DLAT: variants seen among roughly 807,000 people sequenced by gnomAD.
The protein encoded by DLAT is dihydrolipoyllysine-residue acetyltransferase component of pyruvate dehydrogenase complex, mitochondrial.
DLAT carries 43 observed loss-of-function variants against 68.0 expected under a neutral mutation model. The ratio of observed to expected loss-of-function variants is 0.63; its 90% CI spans 0.50 to 0.81. DLAT has a LOEUF of 0.81. Ranked by LOEUF, DLAT falls within the 40% of genes least tolerant of loss-of-function variation. DLAT has a pLI of 0.00. For missense variants in DLAT, 745 were observed against 815.4 expected, an observed-to-expected ratio of 0.91 and a Z score of 1.05; for synonymous variants, 265 against 288.6, an observed-to-expected ratio of 0.92 and a Z score of 0.83.
At chr11:112,028,420 CAAAAAAAAAA>C (rs148561787) in intron 2 of DLAT, 85 bp from the exon 3 acceptor site, 29 of 820,576 alleles carry the variant, frequency 3.5e-5, no homozygotes, top group African/African-American at 2.0e-4. Context: ...CTCTGTGTCT[CAAAAAAAAAA>C]AAAAAAAAAA....
Position 112,045,920 on chromosome 11 carries a change from A to G in DLAT, c.1348A>G (p.Ile450Val). The change falls in exon 10 of 14, where the codon ATC becomes GTC. Residue 450 changes from isoleucine to valine, a missense_variant. Physicochemically the swap from Ile to Val is conservative, Grantham distance 29. Transcript: ENST00000280346. Reference sequence around the variant, plus strand: ...AACCATACCTCATTATTACCTTTCTATCGATGTAAATATGGGAGAAGTTTT... The same window carrying G: ...AACCATACCTCATTATTACCTTTCTGTCGATGTAAATATGGGAGAAGTTTT... Reference protein sequence around the residue: ...KQTIPHYYLSIDVNMGEVLLV... With the variant: ...KQTIPHYYLSVDVNMGEVLLV... 6 of 1,612,262 alleles carry G rather than the reference A, an allele frequency of 3.7e-6. No individual in the cohort carries two copies. Among genetic ancestry groups the G allele is most frequent in the South Asian group, 1.1e-5 (1 of 91,004 alleles).
rs781839763 is a variant in DLAT at position 112,037,341 on chromosome 11, C to T, written c.856C>T (p.Leu286=). The change falls in exon 6 of 14, where the codon CTA becomes TTA. Residue 286 remains leucine (L), a synonymous_variant. Transcript: ENST00000280346. ...LVPEGTRDVP[L]GTPLCIIVEK... ...CCCTGAAGGCACAAGAGATGTCCCT[C>T]TAGGAACCCCACTCTGTATCATTGT... The T allele has an allele frequency of 1.2e-6, 2 of 1,614,092 alleles. No homozygotes were observed. The highest frequency in any genetic ancestry group is 1.7e-6 in the Non-Finnish European group (2 of 1,179,966).
chr11:112,054,305 G>A (rs1863868144), intron 11 of DLAT, among the ~76,000 whole-genome samples: 1 of 151,892 alleles, frequency 6.6e-6, no homozygotes, highest in South Asian at 2.1e-4. Flanking sequence ...GAGCAACAGA[G>A]CAAGACTGCA....
At position 112,051,665 on chromosome 11, in the gene DLAT, C is replaced by T. The variant is rs587684350; in HGVS notation, c.1514+316C>T. Among the ~76,000 whole-genome samples, 10 of 152,202 alleles carry T rather than the reference C, an allele frequency of 6.6e-5. No homozygotes were observed. Among genetic ancestry groups the T allele is most frequent in the Middle Eastern group, 3.4e-3 (1 of 294 alleles). On this transcript the variant is annotated intron_variant, in intron 11 of 13. Coordinates refer to ENST00000280346, the MANE Select transcript of DLAT (RefSeq NM_001931.5). The surrounding 1 kb of genome is among the most constrained non-coding windows in gnomAD (Gnocchi z 4.3). The stretch of plus-strand genomic sequence containing the variant: ...TTGGGCTCAAGCAATTCTACAGCCT[C>T]GGCCTCCCAAAGTTCTGGGATTTCA...
intron 4 of DLAT, chr11:112,030,292 G>A (rs1862323835): frequency 1.8e-6 from 1 of 550,412 alleles, no homozygotes; most frequent in South Asian, 1.4e-5. Context: ...ATCTTTGTGC[G>A]GCCAACTTCC....
chr11:112,052,214 G>A (rs1445675984), intron 11 of DLAT, among the ~76,000 whole-genome samples: 1 of 152,138 alleles, frequency 6.6e-6, no homozygotes, highest in Admixed American at 6.5e-5. Flanking sequence ...CAGATGAGTA[G>A]AGGCAGGGGT....
At position 112,025,461 on chromosome 11, in the gene DLAT, G is replaced by A. The variant is rs782344193; in HGVS notation, c.-12G>A. 1 of 1,610,034 alleles carries A rather than the reference G, an allele frequency of 6.2e-7. No homozygotes were observed. The highest frequency in any genetic ancestry group is 1.7e-4 in the Middle Eastern group (1 of 5,728). On this transcript the variant is annotated 5_prime_UTR_variant, in exon 1 of 14. Transcript: ENST00000280346. ...CGGCGTTGGTTTTGGGGTGTGGGGG[G>A]TTGGTGGCACTATGTGGCGCGTCTG...
At position 112,033,458 on chromosome 11, in the gene DLAT, G is replaced by A; in HGVS notation, c.715G>A (p.Glu239Lys). Residue 239 changes from glutamate (E) to lysine (K), a missense_variant, in exon 5 of 14, where the codon GAA becomes AAA. Coordinates refer to ENST00000280346, the MANE Select transcript of DLAT (RefSeq NM_001931.5). The part of the protein sequence containing the change: ...TMTMGTVQRW[E>K]KKVGEKLSEG... ...GACCATGGGCACAGTTCAGAGATGG[G>A]AAAAAAAAGTGGGTGAGAAGCTAAG... 2 of 1,613,182 alleles carry A rather than the reference G, an allele frequency of 1.2e-6. No individual in the cohort carries two copies. Among genetic ancestry groups the A allele is most frequent in the Non-Finnish European group, 1.7e-6 (2 of 1,179,552 alleles).
At chr11:112,035,377 C>T (rs1353062798) in intron 5 of DLAT, among the ~76,000 whole-genome samples, 1 of 152,184 alleles carries the variant, frequency 6.6e-6, no homozygotes, top group Non-Finnish European at 1.5e-5. Flanking sequence ...AGTTCTGCTT[C>T]ACCATTTAAC....
intron 6 of DLAT, 85 bp downstream of exon 6, chr11:112,037,545 C>T (rs782225984): frequency 7.8e-5 from 102 of 1,308,906 alleles, no homozygotes; most frequent in South Asian, 6.3e-4. Flanking sequence ...TCCTAGGTTC[C>T]TTCCACCTCC....
intron 9 of DLAT, among the ~76,000 whole-genome samples, chr11:112,045,568 G>A (rs1277996701): frequency 2.0e-5 from 3 of 151,988 alleles, no homozygotes; most frequent in African/African-American, 7.3e-5. Flanking sequence ...CATGCCTGTA[G>A]TCCCAAGTAC....
Position 112,037,065 on chromosome 11 carries a change from C to T in DLAT, c.788-208C>T, listed in dbSNP as rs111663586. ...AATATTAATCTGTTTAAATGTATAA[C>T]ATCCCAGTACCAATCCAGTGAGATT... On this transcript the variant is annotated intron_variant, in intron 5 of 13. Coordinates refer to ENST00000280346, the MANE Select transcript of DLAT (RefSeq NM_001931.5). Among the ~76,000 whole-genome samples the T allele has an allele frequency of 6.4e-4, 97 of 152,246 alleles. 2 individuals carry two copies. The highest frequency in any genetic ancestry group is 2.3e-3 in the African/African-American group (96 of 41,546).
At chr11:112,033,730 A>G (rs1470373383) in intron 5 of DLAT, among the ~76,000 whole-genome samples, 200 bp downstream of exon 5, 1 of 152,020 alleles carries the variant, frequency 6.6e-6, no homozygotes, top group African/African-American at 2.4e-5. Context: ...TTATTTGCTT[A>G]TTTTTCAGAC....
At chr11:112,047,691 A>G (rs587655723) in intron 10 of DLAT, among the ~76,000 whole-genome samples, 12 of 152,332 alleles carry the variant, frequency 7.9e-5, no homozygotes, top group Middle Eastern at 3.4e-3. Flanking sequence ...ATGGCTAGCC[A>G]GTTTTCCCAA....
intron 7 of DLAT, among the ~76,000 whole-genome samples, chr11:112,040,602 T>C (rs1863002618): frequency 1.3e-5 from 2 of 152,186 alleles, no homozygotes; most frequent in African/African-American, 4.8e-5. Context: ...TAGTTAGAAG[T>C]CAAGCCAATC....
At chr11:112,034,498 A>G (rs1862585678) in intron 5 of DLAT, among the ~76,000 whole-genome samples, 1 of 150,202 alleles carries the variant, frequency 6.7e-6, no homozygotes, top group Non-Finnish European at 1.5e-5. Flanking sequence ...GCTGGAGTGC[A>G]GTGGCGCAGT....
Position 112,033,506 on chromosome 11 carries a change from A to G in DLAT, c.763A>G (p.Ile255Val). Residue 255 changes from isoleucine to valine, a missense_variant, in exon 5 of 14, where the codon ATA becomes GTA. Ile to Val is a conservative substitution (Grantham distance 29). Coordinates refer to ENST00000280346, the MANE Select transcript of DLAT (RefSeq NM_001931.5). ...AAGTGAAGGAGACTTACTGGCAGAG[A>G]TAGAAACTGACAAAGCCACTATAGG... ...KLSEGDLLAE[I>V]ETDKATIGFE... is the part of the protein sequence containing the mutation. The G allele has an allele frequency of 6.2e-7, 1 of 1,613,924 alleles. No individual in the cohort carries two copies.
At position 112,062,725 on chromosome 11, in the gene DLAT, C is replaced by T; in HGVS notation, c.*190C>T. 3.2e-6 allele frequency: 2 copies of T among 632,892 alleles called. No individual in the cohort carries two copies. Among genetic ancestry groups the T allele is most frequent in the South Asian group, 1.9e-5 (1 of 51,980 alleles). 39.2% of individuals were successfully genotyped at this position (632,892 alleles called of 1,614,324 possible). Reference sequence around the variant, plus strand: ...GCCGATTACACCCAAATATTGTGCACATTTAATAATCAGACACCAGATTTT... The same window carrying T: ...GCCGATTACACCCAAATATTGTGCATATTTAATAATCAGACACCAGATTTT... On this transcript the variant is annotated 3_prime_UTR_variant, in exon 14 of 14. Coordinates refer to ENST00000280346, the MANE Select transcript of DLAT (RefSeq NM_001931.5).
At chr11:112,032,559 A>G (rs1278108831) in intron 4 of DLAT, 1 of 152,072 alleles carries the variant, frequency 6.6e-6, no homozygotes, top group Non-Finnish European at 1.5e-5. Flanking sequence ...TAATCTCTAT[A>G]TCGTTCCAAT....
Sources: allele counts gnomAD v4.1 joint callset (sites outside exome capture counted in the v4.1 genomes callset), GRCh38; gene constraint gnomAD v4.1.1; non-coding constraint Gnocchi (gnomAD v3.1); transcripts MANE v1.5; gene names NCBI Gene and HGNC (gene_info 2026-07-23, HGNC 2026-07-21).